PPP1R17: variants seen among roughly 807,000 people sequenced by gnomAD.
The protein encoded by PPP1R17 is G-substrate.
A neutral mutation model predicts 15.9 loss-of-function variants in PPP1R17; 12 were observed. The observed-to-expected ratio is 0.75, with a 90% confidence interval of 0.48 to 1.22. The LOEUF is 1.22. Among genes scored for constraint, PPP1R17 ranks in the 50% most tolerant of loss-of-function variants. The pLI, the probability that PPP1R17 is intolerant of heterozygous loss-of-function variation, is 0.00. For missense variants in PPP1R17, 211 were observed against 187.3 expected (o/e 1.13, Z -0.74); for synonymous variants, 63 against 64.5 (o/e 0.98, Z 0.11).
At chr7:31,693,490 G>A (rs1193536793) in intron 2 of PPP1R17, among the ~76,000 whole-genome samples, 2 of 152,156 alleles carry the variant, frequency 1.3e-5, no homozygotes, top group East Asian at 3.9e-4. Flanking sequence ...ACCATAACCT[G>A]CCAGCAGTGT....
chr7:31,694,415 C>G (rs1314878318), intron 2 of PPP1R17, among the ~76,000 whole-genome samples: 3 of 151,652 alleles, frequency 2.0e-5, no homozygotes, highest in African/African-American at 7.3e-5. Context: ...CACACACACA[C>G]AGATTTAATA....
At chr7:31,702,376 G>A (rs1319993739) in intron 4 of PPP1R17, among the ~76,000 whole-genome samples, 1 of 152,048 alleles carries the variant, frequency 6.6e-6, no homozygotes, top group Non-Finnish European at 1.5e-5. Flanking sequence ...ACCGGGGGAG[G>A]CTCTGAACTT....
chr7:31,688,208 A>G (rs531962868), intron 1 of PPP1R17, among the ~76,000 whole-genome samples: 2 of 152,328 alleles, frequency 1.3e-5, no homozygotes, highest in African/African-American at 4.8e-5. Context: ...CCTGGAGAAG[A>G]GCCACTATCT....
At chr7:31,700,152 T>G (rs944127921) in intron 4 of PPP1R17, among the ~76,000 whole-genome samples, 1 of 152,150 alleles carries the variant, frequency 6.6e-6, no homozygotes, top group Non-Finnish European at 1.5e-5. Flanking sequence ...AGGCTGAAAA[T>G]TAGGTCTCTT....
chr7:31,688,987 G>T (rs1411178313), intron 1 of PPP1R17, among the ~76,000 whole-genome samples: 2 of 152,208 alleles, frequency 1.3e-5, no homozygotes, highest in Non-Finnish European at 2.9e-5. Context: ...TGAATTTTTT[G>T]TGGTTTGTCT....
chr7:31,690,196 T>A (rs139932431), intron 1 of PPP1R17, among the ~76,000 whole-genome samples: 3 of 152,360 alleles, frequency 2.0e-5, no homozygotes, highest in East Asian at 1.9e-4. Flanking sequence ...CTTTTTAGAA[T>A]CTTTTCATTA....
chr7:31,694,005 A>G (rs1199839455), intron 2 of PPP1R17, among the ~76,000 whole-genome samples: 1 of 152,238 alleles, frequency 6.6e-6, no homozygotes, highest in Non-Finnish European at 1.5e-5. Flanking sequence ...CTAACGGAAT[A>G]GTTTCTTATA....
intron 4 of PPP1R17, among the ~76,000 whole-genome samples, chr7:31,704,338 C>G (rs909913139): frequency 6.6e-6 from 1 of 152,152 alleles, no homozygotes; most frequent in African/African-American, 2.4e-5. Flanking sequence ...AGATGGGGCT[C>G]TGGGTGGGAT....
chr7:31,704,496 C>T (rs1168591275), intron 4 of PPP1R17, among the ~76,000 whole-genome samples: 2 of 152,218 alleles, frequency 1.3e-5, no homozygotes, highest in African/African-American at 4.8e-5. Context: ...AAGGAAATGA[C>T]ATTTGCTAAA....
chr7:31,697,030 A>G lies in PPP1R17; in HGVS notation c.301A>G (p.Ile101Val), dbSNP rs1792615066. ...AGAGAGACATCCAAAGGGCAAAATG[A>G]TCCCTGTTCTTCATAACACTGACCT... ...VQERHPKGKM[I>V]PVLHNTDLEQ... The change falls in exon 4 of 5, where the codon ATC (isoleucine) becomes GTC (valine). Residue 101 changes from isoleucine to valine, a missense_variant. By Grantham distance (29) the Ile-to-Val change is conservative. Transcript: ENST00000342032. The G allele has an allele frequency of 6.2e-7, 1 of 1,614,198 alleles. No homozygotes were observed.
chr7:31,688,978 G>T (rs529013513), intron 1 of PPP1R17, among the ~76,000 whole-genome samples: 59 of 152,334 alleles, frequency 3.9e-4, no homozygotes, highest in African/African-American at 1.4e-3. Context: ...GAAAGAATGT[G>T]AATTTTTTGT....
intron 4 of PPP1R17, among the ~76,000 whole-genome samples, chr7:31,702,014 A>C (rs1387133120): frequency 6.6e-6 from 1 of 152,172 alleles, no homozygotes; most frequent in Non-Finnish European, 1.5e-5. Context: ...GCCTGTAATA[A>C]AATTTTTTAG....
rs997236336 is a variant in PPP1R17 at position 31,708,359 on chromosome 7, T to A, written c.*1076T>A. 1 of 152,250 alleles carries A rather than the reference T, an allele frequency of 6.6e-6. No homozygotes were observed. Among genetic ancestry groups the A allele is most frequent in the Non-Finnish European group, 1.5e-5 (1 of 68,048 alleles). The allele number at this position is 152,250 out of a possible 1,614,324, so 9.4% of individuals were successfully genotyped here. A position where few individuals can be genotyped will look rare whatever the true frequency, so the allele number is the denominator to read the frequency against. ...AGTGATAATTTGGTAGCTCTGTATG[T>A]ATGCTGGTTCCAACTGTTTAATCCC... On this transcript the variant is annotated 3_prime_UTR_variant, in exon 5 of 5. Coordinates refer to ENST00000342032, the MANE Select transcript of PPP1R17 (RefSeq NM_006658.5).
At position 31,707,413 on chromosome 7, in the gene PPP1R17, C is replaced by T. The variant is rs1562707900; in HGVS notation, c.*130C>T. 2 of 705,532 alleles carry T rather than the reference C, an allele frequency of 2.8e-6. No homozygotes were observed. The highest frequency in any genetic ancestry group is 4.7e-6 in the Non-Finnish European group (2 of 426,478). 43.7% of individuals were successfully genotyped at this position (705,532 alleles called of 1,614,324 possible). A position where few individuals can be genotyped will look rare whatever the true frequency, so the allele number is the denominator to read the frequency against. On this transcript the variant is annotated 3_prime_UTR_variant, in exon 5 of 5. Coordinates refer to ENST00000342032, the MANE Select transcript of PPP1R17 (RefSeq NM_006658.5). ...CTTGAAGATTCAGACACCTTCTCCC[C>T]AGGAGATGTATGCCATCAAATTGCC...
intron 1 of PPP1R17, among the ~76,000 whole-genome samples, chr7:31,691,897 G>C (rs1792369769): frequency 6.6e-6 from 1 of 151,474 alleles, no homozygotes; most frequent in South Asian, 2.1e-4. Context: ...AAGAGACTCA[G>C]GTGTCTAATG....
chr7:31,700,626 C>G (rs1476214291), intron 4 of PPP1R17, among the ~76,000 whole-genome samples: 2 of 152,162 alleles, frequency 1.3e-5, no homozygotes, highest in African/African-American at 4.8e-5. Context: ...GAACAAGATG[C>G]CATCTAGGCC....
intron 2 of PPP1R17, among the ~76,000 whole-genome samples, chr7:31,694,399 C>CACACACACACACACAT (rs1336074960): frequency 6.6e-6 from 1 of 151,836 alleles, no homozygotes; most frequent in African/African-American, 2.4e-5. Context: ...CACACACACA[C>CACACACACACACACAT]ACACACACAC....
Position 31,707,919 on chromosome 7 carries a change from T to G in PPP1R17, c.*636T>G, listed in dbSNP as rs1793139743. The G allele has an allele frequency of 6.6e-6, 1 of 152,236 alleles. No individual in the cohort carries two copies. Among genetic ancestry groups the G allele is most frequent in the African/African-American group, 2.4e-5 (1 of 41,450 alleles). 9.4% of individuals were successfully genotyped at this position (152,236 alleles called of 1,614,324 possible). A position where few individuals can be genotyped will look rare whatever the true frequency, so the allele number is the denominator to read the frequency against. On this transcript the variant is annotated 3_prime_UTR_variant, in exon 5 of 5. Coordinates refer to ENST00000342032, the MANE Select transcript of PPP1R17 (RefSeq NM_006658.5). Reference sequence around the variant, plus strand: ...TGATACCAGAGGCAGAGAGTGCTGGTCTGTCTGGGAAGCTTAGCAATGTAT... The same window carrying G: ...TGATACCAGAGGCAGAGAGTGCTGGGCTGTCTGGGAAGCTTAGCAATGTAT...
At chr7:31,696,551 T>C (rs1185039344) in intron 3 of PPP1R17, among the ~76,000 whole-genome samples, 1 of 152,118 alleles carries the variant, frequency 6.6e-6, no homozygotes, top group Admixed American at 6.5e-5. Flanking sequence ...GGTGGAAGTG[T>C]GCAGACGCAG....
Sources: gnomAD v4.1 joint callset for allele counts (sites outside exome capture counted in the v4.1 genomes callset) on GRCh38, gnomAD v4.1.1 for gene constraint, MANE v1.5 for transcripts, NCBI Gene and HGNC (gene_info 2026-07-23, HGNC 2026-07-21) for gene names.